PKP2: variants seen among roughly 807,000 people sequenced by gnomAD.
The protein encoded by PKP2 is plakophilin-2.
In PKP2, 73 loss-of-function variants were observed where a neutral mutation model predicts 83.4. The observed-to-expected ratio is 0.88, with a 90% CI of 0.72 to 1.06. The LOEUF (loss-of-function observed/expected upper bound fraction) is 1.06. PKP2 is among the 50% of genes least tolerant of loss of function. The probability of loss-of-function intolerance (pLI) is 0.00; values close to 1 mark genes in which losing one functional copy is unlikely to be tolerated. For missense variants in PKP2, 966 were observed against 1,065.4 expected (o/e 0.91, Z 1.30); for synonymous variants, 409 against 430.4 (o/e 0.95, Z 0.62).
intron 7 of PKP2, 100 bp from the exon 8 acceptor site, chr12:32,822,731 A>G (rs1956394331): frequency 7.6e-7 from 1 of 1,321,590 alleles, no homozygotes; most frequent in Non-Finnish European, 1.1e-6. Flanking sequence ...GGTTTACCAG[A>G]TGCAACTGGG....
chr12:32,860,675 C>T (rs141766280), intron 4 of PKP2, among the ~76,000 whole-genome samples: 44 of 152,182 alleles, frequency 2.9e-4, no homozygotes, highest in Non-Finnish European at 4.0e-4. Flanking sequence ...CACATGTATA[C>T]CTATATAACA....
At chr12:32,840,254 T>G (rs901573339) in intron 6 of PKP2, among the ~76,000 whole-genome samples, 1 of 152,176 alleles carries the variant, frequency 6.6e-6, no homozygotes, top group Non-Finnish European at 1.5e-5. Context: ...CTAGTTCACT[T>G]GCTTATCTGT....
At chr12:32,794,427 A>G (rs953662697) in intron 11 of PKP2, among the ~76,000 whole-genome samples, 3 of 152,232 alleles carry the variant, frequency 2.0e-5, no homozygotes, top group African/African-American at 7.2e-5. Flanking sequence ...CACTCTAGTA[A>G]GGAAAGAGCA....
Position 32,839,762 on chromosome 12 carries a change from TA to T in PKP2, c.1556+1265del, listed in dbSNP as rs144862405. ...GGCAATGGGAGCTGGAGAGAAACTTTAAGACGTGAAATATGTTTAAGCAGGT... is the reference window on the plus strand; with the variant it reads ...GGCAATGGGAGCTGGAGAGAAACTTTAGACGTGAAATATGTTTAAGCAGGT... On this transcript the variant is annotated intron_variant, in intron 6 of 12. Coordinates refer to ENST00000340811, the MANE Select transcript of PKP2 (RefSeq NM_001005242.3). 7.3e-3 allele frequency among the ~76,000 whole-genome samples: 1,110 copies of T among 152,268 alleles called. 17 individuals are homozygous for T. Among genetic ancestry groups the T allele is most frequent in the African/African-American group, 0.025 (1,019 of 41,550 alleles).
At chr12:32,793,997 T>C (rs1272490276) in intron 11 of PKP2, among the ~76,000 whole-genome samples, 2 of 152,068 alleles carry the variant, frequency 1.3e-5, no homozygotes, top group African/African-American at 4.8e-5. Flanking sequence ...ACATGGCTGA[T>C]TTTTTTTCTT....
intron 1 of PKP2, among the ~76,000 whole-genome samples, chr12:32,889,991 C>T (rs1957063290): frequency 7.1e-6 from 1 of 141,228 alleles, no homozygotes; most frequent in South Asian, 2.2e-4. Context: ...AGGAGAATCG[C>T]TTGAACCCGA....
intron 1 of PKP2, among the ~76,000 whole-genome samples, chr12:32,889,741 G>C (rs1443939803): frequency 6.6e-6 from 1 of 152,170 alleles, no homozygotes; most frequent in Non-Finnish European, 1.5e-5. Context: ...TATACGGAGA[G>C]GAAGGAAAGT....
At chr12:32,811,154 G>A (rs1364408095) in intron 9 of PKP2, among the ~76,000 whole-genome samples, 2 of 152,316 alleles carry the variant, frequency 1.3e-5, no homozygotes, top group Non-Finnish European at 2.9e-5. Context: ...GGTGCTCCAG[G>A]TCTTTTTGTT....
chr12:32,866,038 T>C lies in PKP2; in HGVS notation c.1170+2889A>G, dbSNP rs186606027. On this transcript the variant is annotated intron_variant, in intron 4 of 12. Transcript: ENST00000340811. ...CCATAAAGGGAAAAAACTGAATAAA[T>C]TAAATCCCATTAAAATGAAAACCTA... Among the ~76,000 whole-genome samples the C allele has an allele frequency of 1.4e-3, 220 of 152,032 alleles. No individual in the cohort carries two copies. The Middle Eastern group carries it at 0.027, about 19-fold the overall frequency.
chr12:32,886,599 C>G (rs910653102), intron 1 of PKP2, among the ~76,000 whole-genome samples: 1 of 152,114 alleles, frequency 6.6e-6, no homozygotes, highest in Non-Finnish European at 1.5e-5. Context: ...ATCTTCTATT[C>G]TTACTTTCCA....
At chr12:32,885,696 A>G (rs1418374715) in intron 1 of PKP2, among the ~76,000 whole-genome samples, 1 of 151,898 alleles carries the variant, frequency 6.6e-6, no homozygotes, top group Non-Finnish European at 1.5e-5. Flanking sequence ...TGATTTTCAT[A>G]ATCACAGTTT....
chr12:32,890,991 G>T (rs1040152566), intron 1 of PKP2, among the ~76,000 whole-genome samples: 3 of 151,614 alleles, frequency 2.0e-5, no homozygotes, highest in Admixed American at 1.3e-4. Flanking sequence ...CACACAACAG[G>T]TTTTTAATGT....
Position 32,877,948 on chromosome 12 carries a change from T to A in PKP2, c.932A>T (p.Asp311Val). The change falls in exon 3 of 13, where the codon GAT (aspartate) becomes GTT (valine). Residue 311 changes from aspartate to valine, a missense_variant. Physicochemically the swap from Asp to Val is radical, Grantham distance 152 (BLOSUM62 -3). Transcript: ENST00000340811. The stretch of plus-strand genomic sequence containing the variant: ...CAAGTGCGCTCTCCTCCCGCTGGAA[T>A]CCACGGCGACACTGGGCCCAGCTTC... The part of the protein sequence containing the change: ...LREAGPSVAV[D>V]SSGRRAHLTV... 1 of 1,614,154 alleles carries A rather than the reference T, an allele frequency of 6.2e-7. No individual in the cohort carries two copies. Among genetic ancestry groups the A allele is most frequent in the Non-Finnish European group, 8.5e-7 (1 of 1,180,024 alleles).
intron 9 of PKP2, among the ~76,000 whole-genome samples, chr12:32,807,841 T>C (rs972271757): frequency 6.6e-6 from 1 of 152,218 alleles, no homozygotes; most frequent in East Asian, 1.9e-4. Context: ...TCTTTAAGAA[T>C]TTTAAATATT....
chr12:32,851,636 T>G (rs1160157562), intron 4 of PKP2, among the ~76,000 whole-genome samples: 1 of 152,028 alleles, frequency 6.6e-6, no homozygotes, highest in Non-Finnish European at 1.5e-5. Context: ...GCCCAGCTAA[T>G]TTTTTGTATT....
At chr12:32,856,877 C>T (rs779659433) in intron 4 of PKP2, among the ~76,000 whole-genome samples, 1 of 152,198 alleles carries the variant, frequency 6.6e-6, no homozygotes, top group Non-Finnish European at 1.5e-5. Context: ...TTGTGGCAGG[C>T]AGTGCACCAT....
At chr12:32,863,957 T>C (rs1230241555) in intron 4 of PKP2, among the ~76,000 whole-genome samples, 1 of 152,162 alleles carries the variant, frequency 6.6e-6, no homozygotes, top group Non-Finnish European at 1.5e-5. Flanking sequence ...TGACAGTACA[T>C]CATAACCAGG....
Position 32,896,753 on chromosome 12 carries a change from G to T in PKP2, c.-22C>A. 1 of 1,295,834 alleles carries T rather than the reference G, an allele frequency of 7.7e-7. No homozygotes were observed. Among genetic ancestry groups the T allele is most frequent in the Non-Finnish European group, 1.0e-6 (1 of 974,142 alleles). 80.3% of individuals were successfully genotyped at this position (1,295,834 alleles called of 1,614,324 possible). ...CCATGGGGCCGGTGGGGGCGACCGA[G>T]CTGCTCGCCTGCCTCTGGACTCGCG... is the stretch of plus-strand genomic sequence containing the variant. On this transcript the variant is annotated 5_prime_UTR_variant, in exon 1 of 13. Transcript: ENST00000340811.
chr12:32,837,461 G>A (rs1956553676), intron 6 of PKP2, among the ~76,000 whole-genome samples: 1 of 152,098 alleles, frequency 6.6e-6, no homozygotes. Context: ...GCAGTTTCTA[G>A]AACATAACAA....
Sources: gnomAD v4.1 joint callset for allele counts (sites outside exome capture counted in the v4.1 genomes callset) on GRCh38, gnomAD v4.1.1 for gene constraint, MANE v1.5 for transcripts, NCBI Gene and HGNC (gene_info 2026-07-23, HGNC 2026-07-21) for gene names.